CSNK2A2IP: variants seen among roughly 807,000 people sequenced by gnomAD.
CSNK2A2IP encodes the protein casein kinase 2 subunit alpha' interacting protein.
At chr3:88,465,988 C>T in the CSNK2A2IP span, 1 of 1,231,520 alleles carries the variant, frequency 8.1e-7, no homozygotes, top group Non-Finnish European at 1.0e-6. Flanking sequence ...ACGAAAAGCC[C>T]TTAGCTCGAC....
At chr3:88,360,188 T>G in the CSNK2A2IP span, among the ~76,000 whole-genome samples, 2 of 151,122 alleles carry the variant, frequency 1.3e-5, no homozygotes, top group African/African-American at 4.9e-5. Flanking sequence ...CAGGCTGGAG[T>G]GCAGTGGCGT....
At chr3:88,360,385 G>T in the CSNK2A2IP span, among the ~76,000 whole-genome samples, 48 of 152,114 alleles carry the variant, frequency 3.2e-4, no homozygotes, top group African/African-American at 1.1e-3. Context: ...CACCCGCCTC[G>T]GCCTCCCAAA....
the CSNK2A2IP span, among the ~76,000 whole-genome samples, chr3:88,457,732 A>AAAT: frequency 6.6e-5 from 10 of 150,442 alleles, no homozygotes; most frequent in African/African-American, 2.2e-4. Flanking sequence ...AAATAAAATA[A>AAAT]AATAAAATAA....
chr3:88,384,603 G>T, the CSNK2A2IP span, among the ~76,000 whole-genome samples: 2 of 152,060 alleles, frequency 1.3e-5, no homozygotes, highest in African/African-American at 4.8e-5. Context: ...AAGAGCAATA[G>T]GGACTCCTGA....
the CSNK2A2IP span, among the ~76,000 whole-genome samples, chr3:88,417,103 A>AC: frequency 2.0e-5 from 3 of 149,628 alleles, no homozygotes; most frequent in Non-Finnish European, 4.4e-5. Flanking sequence ...GATAACATGA[A>AC]TTTTTTTTTT....
the CSNK2A2IP span, among the ~76,000 whole-genome samples, chr3:88,396,104 C>CTT: frequency 4.1e-4 from 47 of 115,320 alleles, no homozygotes; most frequent in African/African-American, 8.0e-4. Flanking sequence ...CTACCTACTT[C>CTT]TTTTTTTTTT....
chr3:88,460,856 G>A, the CSNK2A2IP span, among the ~76,000 whole-genome samples: 1 of 152,128 alleles, frequency 6.6e-6, no homozygotes, highest in African/African-American at 2.4e-5. Flanking sequence ...GGGAGGCCAA[G>A]GCGGGTAGAT....
the CSNK2A2IP span, among the ~76,000 whole-genome samples, chr3:88,413,264 T>C: frequency 3.1e-4 from 47 of 152,096 alleles, no homozygotes; most frequent in African/African-American, 1.1e-3. Flanking sequence ...GAAAGCAGGA[T>C]GGTGTATAGG....
the CSNK2A2IP span, among the ~76,000 whole-genome samples, chr3:88,457,222 G>T: frequency 6.6e-6 from 1 of 152,088 alleles, no homozygotes; most frequent in Non-Finnish European, 1.5e-5. Flanking sequence ...CTTTTAAAGA[G>T]TACTGTTAAA....
chr3:88,384,238 A>C, the CSNK2A2IP span, among the ~76,000 whole-genome samples: 1 of 152,182 alleles, frequency 6.6e-6, no homozygotes, highest in Non-Finnish European at 1.5e-5. Flanking sequence ...AAAAATGCTA[A>C]GAAAGAAAGA....
At chr3:88,352,404 A>G in the CSNK2A2IP span, among the ~76,000 whole-genome samples, 2 of 152,212 alleles carry the variant, frequency 1.3e-5, no homozygotes, top group African/African-American at 4.8e-5. Context: ...TTTGGGAAAA[A>G]GAAATTTATA....
At chr3:88,439,469 C>T in the CSNK2A2IP span, among the ~76,000 whole-genome samples, 54 of 152,038 alleles carry the variant, frequency 3.6e-4, no homozygotes, top group Admixed American at 1.7e-3. Context: ...GTTGGCCAGG[C>T]GTGGTGGCTC....
the CSNK2A2IP span, among the ~76,000 whole-genome samples, chr3:88,453,749 G>A: frequency 6.6e-6 from 1 of 151,984 alleles, no homozygotes; most frequent in African/African-American, 2.4e-5. Context: ...TAAGCATTTT[G>A]CTCCCAGACA....
the CSNK2A2IP span, among the ~76,000 whole-genome samples, chr3:88,406,832 G>C: frequency 6.6e-6 from 1 of 152,160 alleles, no homozygotes; most frequent in Non-Finnish European, 1.5e-5. Context: ...TCTTGCGGCA[G>C]ACCGATGTAG....
At chr3:88,338,724 T>A in the CSNK2A2IP span, 6 of 152,052 alleles carry the variant, frequency 3.9e-5, no homozygotes, top group Non-Finnish European at 8.8e-5. Flanking sequence ...TGTGTGCATA[T>A]GTATGTATGA....
At chr3:88,449,368 A>G in the CSNK2A2IP span, among the ~76,000 whole-genome samples, 3 of 152,266 alleles carry the variant, frequency 2.0e-5, no homozygotes, top group South Asian at 6.2e-4. Context: ...TCAGATTATT[A>G]ACATTCCTTC....
chr3:88,446,330 T>C, the CSNK2A2IP span, among the ~76,000 whole-genome samples: 2 of 151,944 alleles, frequency 1.3e-5, no homozygotes, highest in African/African-American at 4.8e-5. Context: ...CCTTGTGATC[T>C]GCCCACCTCA....
the CSNK2A2IP span, among the ~76,000 whole-genome samples, chr3:88,448,647 C>T: frequency 6.6e-6 from 1 of 152,124 alleles, no homozygotes; most frequent in African/African-American, 2.4e-5. Flanking sequence ...TAAGGATTTC[C>T]CACTCCCTAA....
chr3:88,364,232 C>T, the CSNK2A2IP span, among the ~76,000 whole-genome samples: 1 of 152,082 alleles, frequency 6.6e-6, no homozygotes, highest in Non-Finnish European at 1.5e-5. Context: ...AATTTGTTGA[C>T]TTGTGTCCAG....
Sources: allele counts gnomAD v4.1 joint callset (sites outside exome capture counted in the v4.1 genomes callset), GRCh38; gene constraint gnomAD v4.1.1; transcripts MANE v1.5; gene names NCBI Gene and HGNC (gene_info 2026-07-23, HGNC 2026-07-21).